SMARCC1: variants seen among roughly 807,000 people sequenced by gnomAD.
SMARCC1 encodes SWI/SNF related BAF chromatin remodeling complex subunit C1.
SMARCC1 carries 43 observed loss-of-function variants against 147.4 expected under a neutral mutation model. That is an observed-to-expected ratio of 0.29 (90% CI 0.23 to 0.38). The LOEUF (loss-of-function observed/expected upper bound fraction) is 0.38. Among genes scored for constraint, SMARCC1 ranks in the 10% least tolerant of loss-of-function variants. The pLI is 1.00. For missense variants in SMARCC1, 1,119 were observed against 1,381.1 expected (o/e 0.81, Z 3.01); for synonymous variants, 495 against 484.4 (o/e 1.02, Z -0.29).
At chr3:47,755,654 C>T (rs1331908718) in intron 2 of SMARCC1, among the ~76,000 whole-genome samples, 1 of 151,078 alleles carries the variant, frequency 6.6e-6, no homozygotes, top group African/African-American at 2.4e-5. Context: ...GTCAGGAGTT[C>T]GAGACCACCC....
At chr3:47,722,676 G>A (rs542649263) in intron 6 of SMARCC1, among the ~76,000 whole-genome samples, 1 of 152,248 alleles carries the variant, frequency 6.6e-6, no homozygotes. Flanking sequence ...CAAAAGGTGT[G>A]AGATGTAAGC....
chr3:47,697,134 G>A lies in SMARCC1; in HGVS notation c.1166-3834C>T, dbSNP rs527603374. 3.1e-4 allele frequency among the ~76,000 whole-genome samples: 47 copies of A among 152,174 alleles called. 1 individual carries two copies. Among genetic ancestry groups the A allele is most frequent in the South Asian group, 2.3e-3 (11 of 4,818 alleles). On this transcript the variant is annotated intron_variant, in intron 11 of 27. Coordinates refer to ENST00000254480, the MANE Select transcript of SMARCC1 (RefSeq NM_003074.4). ...TCAGGAGTTTGAGACCAGCTTGGGCGGTATGGCAAGACCGTGTCTCTACAA... is the reference window on the plus strand; with the variant it reads ...TCAGGAGTTTGAGACCAGCTTGGGCAGTATGGCAAGACCGTGTCTCTACAA...
At chr3:47,759,864 G>C (rs1304355831) in intron 2 of SMARCC1, among the ~76,000 whole-genome samples, 2 of 152,040 alleles carry the variant, frequency 1.3e-5, no homozygotes, top group African/African-American at 4.8e-5. Context: ...TTGAACTCGG[G>C]AGGCTGAGGT....
intron 26 of SMARCC1, among the ~76,000 whole-genome samples, chr3:47,605,567 T>C (rs2032458976): frequency 6.6e-6 from 1 of 151,206 alleles, no homozygotes; most frequent in Admixed American, 6.6e-5. Context: ...AGCCCAGGAG[T>C]TCAAGACCAG....
intron 8 of SMARCC1, among the ~76,000 whole-genome samples, chr3:47,713,178 G>A (rs907772283): frequency 2.0e-5 from 3 of 151,766 alleles, no homozygotes; most frequent in African/African-American, 7.3e-5. Context: ...AAAATTAGCC[G>A]GGCTTGGTGG....
chr3:47,732,645 C>T (rs1248966618), intron 5 of SMARCC1, among the ~76,000 whole-genome samples: 2 of 152,098 alleles, frequency 1.3e-5, no homozygotes, highest in Non-Finnish European at 2.9e-5. Flanking sequence ...AGGGAATAGG[C>T]AGGCTAGACA....
At chr3:47,774,867 TGTAATG>T in intron 1 of SMARCC1, among the ~76,000 whole-genome samples, 1 of 151,950 alleles carries the variant, frequency 6.6e-6, no homozygotes, top group Non-Finnish European at 1.5e-5. Flanking sequence ...AATACAGTGG[TGTAATG>T]ACAGCCACCG....
chr3:47,764,406 G>C (rs1437779772), intron 2 of SMARCC1, among the ~76,000 whole-genome samples: 7 of 151,960 alleles, frequency 4.6e-5, no homozygotes, highest in Non-Finnish European at 8.8e-5. Flanking sequence ...GGGAGAGAGA[G>C]AAAGATGAAA....
At chr3:47,768,681 A>AGT (rs2034870245) in intron 2 of SMARCC1, among the ~76,000 whole-genome samples, 1 of 152,194 alleles carries the variant, frequency 6.6e-6, no homozygotes, top group Admixed American at 6.6e-5. Flanking sequence ...ATTCTAGCCC[A>AGT]GTTCATAATG....
chr3:47,612,131 A>C (rs1055430332), intron 25 of SMARCC1, among the ~76,000 whole-genome samples: 2 of 152,156 alleles, frequency 1.3e-5, no homozygotes, highest in African/African-American at 2.4e-5. Context: ...GGGAGATGTA[A>C]TATGTAAACA....
intron 27 of SMARCC1, among the ~76,000 whole-genome samples, chr3:47,589,459 C>G (rs541415682): frequency 3.7e-4 from 56 of 152,290 alleles, no homozygotes; most frequent in African/African-American, 1.3e-3. Context: ...AACTGGTCAA[C>G]TCTCTTGATA....
chr3:47,642,649 AT>A (rs1303701767), intron 21 of SMARCC1, among the ~76,000 whole-genome samples: 1 of 152,132 alleles, frequency 6.6e-6, no homozygotes, highest in Non-Finnish European at 1.5e-5. Flanking sequence ...ATGAAATGTC[AT>A]TTTACGCTTG....
At chr3:47,755,662 C>T (rs1000741566) in intron 2 of SMARCC1, among the ~76,000 whole-genome samples, 2 of 147,416 alleles carry the variant, frequency 1.4e-5, no homozygotes, top group African/African-American at 5.0e-5. Flanking sequence ...TTCGAGACCA[C>T]CCTAGCCAAC....
At chr3:47,588,844 C>A (rs1221446731) in intron 27 of SMARCC1, among the ~76,000 whole-genome samples, 1 of 152,018 alleles carries the variant, frequency 6.6e-6, no homozygotes, top group Non-Finnish European at 1.5e-5. Flanking sequence ...TCCAGGGAGG[C>A]CTCCACAGCT....
At chr3:47,681,519 C>G (rs2033644638) in intron 14 of SMARCC1, among the ~76,000 whole-genome samples, 1 of 152,112 alleles carries the variant, frequency 6.6e-6, no homozygotes, top group Non-Finnish European at 1.5e-5. Context: ...ATATCTAGCA[C>G]AAAGTTTCTG....
intron 3 of SMARCC1, among the ~76,000 whole-genome samples, chr3:47,739,087 T>C (rs1414706055): frequency 1.3e-5 from 2 of 152,258 alleles, no homozygotes; most frequent in African/African-American, 2.4e-5. Context: ...TACTTTGTTT[T>C]TGCTCTGTTT....
intron 15 of SMARCC1, 157 bp downstream of exon 15, chr3:47,680,280 T>C: frequency 1.6e-6 from 1 of 630,882 alleles, no homozygotes. Flanking sequence ...CAATTTCCTG[T>C]GTACCATGGA....
intron 21 of SMARCC1, among the ~76,000 whole-genome samples, chr3:47,660,402 C>T (rs1366298186): frequency 2.1e-5 from 3 of 141,148 alleles, no homozygotes; most frequent in Admixed American, 1.5e-4. Context: ...GCTGAGATCG[C>T]GCCACTGCAC....
chr3:47,775,538 C>T (rs1327394631), intron 1 of SMARCC1, among the ~76,000 whole-genome samples: 1 of 148,196 alleles, frequency 6.7e-6, no homozygotes, highest in African/African-American at 2.5e-5. Context: ...CTTTGGGAGG[C>T]CGAGGCGGGC....
Sources: allele counts gnomAD v4.1 joint callset (sites outside exome capture counted in the v4.1 genomes callset), GRCh38; gene constraint gnomAD v4.1.1; transcripts MANE v1.5; gene names NCBI Gene and HGNC (gene_info 2026-07-23, HGNC 2026-07-21).